MYT1L: variants seen among roughly 807,000 people sequenced by gnomAD.
The protein encoded by MYT1L is myelin transcription factor 1-like protein.
MYT1L carries 12 observed loss-of-function variants against 126.7 expected under a neutral mutation model. That is an observed-to-expected ratio of 0.09 (90% CI 0.06 to 0.15). The LOEUF (loss-of-function observed/expected upper bound fraction) is 0.15. MYT1L is among the 10% of genes least tolerant of loss of function. The pLI, the probability that MYT1L is intolerant of heterozygous loss-of-function variation, is 1.00. For synonymous variants in MYT1L, 541 were observed against 604.2 expected (o/e 0.90, Z 1.53); for missense variants, 979 against 1,585.2 (o/e 0.62, Z 6.49).
chr2:1,915,396 C>T (rs966187732), intron 11 of MYT1L, among the ~76,000 whole-genome samples: 19 of 152,266 alleles, frequency 1.2e-4, no homozygotes, highest in African/African-American at 3.9e-4. Context: ...CTGGGAGGCA[C>T]CTGCAGCCGG....
intron 3 of MYT1L, among the ~76,000 whole-genome samples, chr2:2,149,932 C>G (rs2085470386): frequency 6.6e-6 from 1 of 152,184 alleles, no homozygotes; most frequent in African/African-American, 2.4e-5. Flanking sequence ...CCACAGCTTC[C>G]TACCTCCACT....
rs114273199 is a variant in MYT1L, at chr2:2,287,713, A to G, written c.-520-3210T>C. On this transcript the variant is annotated intron_variant, in intron 1 of 24. Transcript: ENST00000647738. ...CTTGGTCTTTTAAATTCATATGGAT[A>G]TTCTAGTTAATTAATAGTTATTTCA... Among the ~76,000 whole-genome samples the G allele has an allele frequency of 2.4e-3, 367 of 152,306 alleles. 1 individual carries two copies. The highest frequency in any genetic ancestry group is 8.7e-3 in the African/African-American group (362 of 41,578).
chr2:2,162,758 G>A (rs2148445110), intron 3 of MYT1L, among the ~76,000 whole-genome samples: 1 of 152,344 alleles, frequency 6.6e-6, no homozygotes, highest in South Asian at 2.1e-4. Context: ...TCTGCTTTCT[G>A]AGTTCATTTC....
intron 4 of MYT1L, among the ~76,000 whole-genome samples, chr2:2,010,174 C>T (rs540708368): frequency 1.3e-5 from 2 of 152,284 alleles, no homozygotes; most frequent in African/African-American, 2.4e-5. Flanking sequence ...AGAGTAGATT[C>T]TCCTGCTTCT....
chr2:2,246,147 C>T (rs1477737207), intron 2 of MYT1L, among the ~76,000 whole-genome samples: 4 of 152,122 alleles, frequency 2.6e-5, no homozygotes, highest in Non-Finnish European at 5.9e-5. Context: ...ACCTGAGGCA[C>T]CTGGTATGTT....
chr2:2,010,894 G>A (rs561254195), intron 4 of MYT1L, among the ~76,000 whole-genome samples: 173 of 152,278 alleles, frequency 1.1e-3, no homozygotes, highest in Non-Finnish European at 2.1e-3. Flanking sequence ...TCTTCACAGG[G>A]GTGCCGGGGC....
At chr2:1,894,986 C>G (rs2049394782) in intron 14 of MYT1L, among the ~76,000 whole-genome samples, 1 of 152,242 alleles carries the variant, frequency 6.6e-6, no homozygotes, top group Non-Finnish European at 1.5e-5. Flanking sequence ...CGACTGCCAT[C>G]AACGATGTGT....
intron 3 of MYT1L, among the ~76,000 whole-genome samples, chr2:2,153,484 G>A (rs2086171785): frequency 6.6e-6 from 1 of 152,160 alleles, no homozygotes; most frequent in African/African-American, 2.4e-5. Context: ...GACTGGATGA[G>A]AATCATGGGA....
At chr2:1,803,823 A>AG (rs143211857) in intron 22 of MYT1L, among the ~76,000 whole-genome samples, 6,713 of 152,222 alleles carry the variant, frequency 0.044, 201 homozygotes, top group South Asian at 0.1. Flanking sequence ...CAGGTCACAG[A>AG]GCATTCCCGG....
At chr2:1,800,715 G>A (rs2034690301) in intron 23 of MYT1L, among the ~76,000 whole-genome samples, 1 of 152,170 alleles carries the variant, frequency 6.6e-6, no homozygotes, top group Non-Finnish European at 1.5e-5. Context: ...GGGATAATAA[G>A]GGAGCCCTCG....
In MYT1L at chr2:1,839,107, C is replaced by T. The variant is rs117052831; in HGVS notation, c.3080+42G>A. ...ACCAGCCGTGCCAGTCGGCTCTCGGCGGCACCATCCCAGCCAGGGTCCCGC... is the reference window on the plus strand; with the variant it reads ...ACCAGCCGTGCCAGTCGGCTCTCGGTGGCACCATCCCAGCCAGGGTCCCGC... On this transcript the variant is annotated intron_variant, in intron 21 of 24. Transcript: ENST00000647738. 1,327 of 1,539,584 alleles carry T rather than the reference C, an allele frequency of 8.6e-4. 23 individuals are homozygous for T. In the South Asian group the frequency reaches 0.015, roughly 17 times the overall value.
chr2:2,136,950 A>G (rs2083140933), intron 3 of MYT1L, among the ~76,000 whole-genome samples: 1 of 152,342 alleles, frequency 6.6e-6, no homozygotes, highest in African/African-American at 2.4e-5. Flanking sequence ...CCATCGTCTC[A>G]GCCCAAAATC....
intron 13 of MYT1L, among the ~76,000 whole-genome samples, chr2:1,909,483 G>A (rs899035414): frequency 6.6e-6 from 1 of 152,172 alleles, no homozygotes; most frequent in African/African-American, 2.4e-5. Flanking sequence ...GTGTGAAAAG[G>A]CAGGATATGT....
Position 1,793,351 on chromosome 2 carries a change from T to C in MYT1L, c.3277-887A>G, listed in dbSNP as rs1000149805. 3.3e-5 allele frequency among the ~76,000 whole-genome samples: 5 copies of C among 152,190 alleles called. No homozygotes were observed. The highest frequency in any genetic ancestry group is 7.3e-5 in the Non-Finnish European group (5 of 68,030). ...GGGAGCTGCCCTGCCCATGGGGGTG[T>C]CTGCCTTGGGCACCCAAGGGTGCCT... On this transcript the variant is annotated intron_variant, in intron 23 of 24. Coordinates refer to ENST00000647738, the MANE Select transcript of MYT1L (RefSeq NM_001303052.2). The surrounding 1 kb of genome is among the most constrained non-coding windows in gnomAD (Gnocchi z 4.6).
intron 21 of MYT1L, among the ~76,000 whole-genome samples, chr2:1,835,191 C>T (rs1042073691): frequency 3.3e-5 from 5 of 152,194 alleles, no homozygotes; most frequent in African/African-American, 1.2e-4. Context: ...TTGAAAATAC[C>T]ATATCTTGAA....
chr2:1,918,691 T>C (rs2053178752), intron 10 of MYT1L, among the ~76,000 whole-genome samples: 1 of 152,206 alleles, frequency 6.6e-6, no homozygotes, highest in Non-Finnish European at 1.5e-5. Context: ...AATGTGCCTC[T>C]CCTGTACTGG....
At chr2:1,949,276 C>A (rs781385598) in intron 8 of MYT1L, among the ~76,000 whole-genome samples, 7 of 152,182 alleles carry the variant, frequency 4.6e-5, no homozygotes, top group Non-Finnish European at 8.8e-5. Context: ...AAGGCAAACG[C>A]ATGCTGGATT....
Position 1,928,387 on chromosome 2 carries a change from C to T in MYT1L, c.506-5124G>A, listed in dbSNP as rs117469353. On this transcript the variant is annotated intron_variant, in intron 9 of 24. Coordinates refer to ENST00000647738, the MANE Select transcript of MYT1L (RefSeq NM_001303052.2). ...CTGCTCCCTCTGAAAGGTGACAGTA[C>T]AGAACCACAGAGGCTGACAGTTTAC... 1.2e-3 allele frequency among the ~76,000 whole-genome samples: 189 copies of T among 152,292 alleles called. No individual in the cohort carries two copies. The East Asian group carries it at 0.032, about 26-fold the overall frequency.
intron 3 of MYT1L, among the ~76,000 whole-genome samples, chr2:2,143,047 T>G (rs1002181536): frequency 1.3e-5 from 2 of 150,482 alleles, no homozygotes; most frequent in African/African-American, 4.9e-5. Context: ...TCCCAGCACT[T>G]TGGGAGGCCG....
Sources: allele counts gnomAD v4.1 joint callset (sites outside exome capture counted in the v4.1 genomes callset), GRCh38; gene constraint gnomAD v4.1.1; non-coding constraint Gnocchi (gnomAD v3.1); transcripts MANE v1.5; gene names NCBI Gene and HGNC (gene_info 2026-07-23, HGNC 2026-07-21).